PTPRK: variants seen among roughly 807,000 people sequenced by gnomAD.
PTPRK encodes the protein receptor-type tyrosine-protein phosphatase kappa.
In PTPRK, 75 loss-of-function variants were observed where a neutral mutation model predicts 178.0. The ratio of observed to expected loss-of-function variants is 0.42; its 90% CI spans 0.35 to 0.51. The LOEUF is 0.51. Ranked by LOEUF, PTPRK falls within the 20% of genes least tolerant of loss-of-function variation. PTPRK has a pLI of 0.02. For missense variants in PTPRK, 1,441 were observed against 1,797.8 expected (o/e 0.80, Z 3.59); for synonymous variants, 637 against 620.6 (o/e 1.03, Z -0.39).
At chr6:128,276,181 C>T (rs943174057) in intron 3 of PTPRK, among the ~76,000 whole-genome samples, 3 of 151,982 alleles carry the variant, frequency 2.0e-5, no homozygotes, top group Non-Finnish European at 4.4e-5. Context: ...CTACTTGAGG[C>T]AACACATATA....
At position 128,338,672 on chromosome 6, in the gene PTPRK, C is replaced by CTT. The variant is rs1831265388; in HGVS notation, c.224-16363_224-16362insAA. Among the ~76,000 whole-genome samples, 3 of 152,104 alleles carry CTT rather than the reference C, an allele frequency of 2.0e-5. No homozygotes were observed. The South Asian group carries it at 6.2e-4, about 32-fold the overall frequency. ...GCTGCCCCTGGAAGTCTATGCTTCC[C>CTT]CTCTGCAGAAGGAAATCTTTATGCT... On this transcript the variant is annotated intron_variant, in intron 2 of 29. Transcript: ENST00000368226.
chr6:127,972,237 T>C (rs547007871), intron 29 of PTPRK, among the ~76,000 whole-genome samples: 18 of 152,336 alleles, frequency 1.2e-4, no homozygotes, highest in African/African-American at 4.3e-4. Context: ...TCTTGATAAA[T>C]GTAGGGCAAG....
intron 1 of PTPRK, among the ~76,000 whole-genome samples, chr6:128,502,230 A>G (rs889210988): frequency 6.6e-6 from 1 of 152,242 alleles, no homozygotes; most frequent in African/African-American, 2.4e-5. Flanking sequence ...AACAGGACTT[A>G]AAGAGAGCTT....
intron 7 of PTPRK, among the ~76,000 whole-genome samples, chr6:128,106,612 T>C (rs1562594490): frequency 6.6e-6 from 1 of 152,160 alleles, no homozygotes; most frequent in Non-Finnish European, 1.5e-5. Context: ...ACAAAGCTTT[T>C]CCTCTAAACC....
chr6:128,506,338 C>A (rs899152356), intron 1 of PTPRK, among the ~76,000 whole-genome samples: 3 of 152,122 alleles, frequency 2.0e-5, no homozygotes, highest in African/African-American at 7.2e-5. Flanking sequence ...TTAGAATTTT[C>A]ATATTTTATC....
chr6:128,454,920 C>A (rs1848215780), intron 1 of PTPRK, among the ~76,000 whole-genome samples: 1 of 152,018 alleles, frequency 6.6e-6, no homozygotes, highest in Admixed American at 6.6e-5. Flanking sequence ...TCCTTTTACT[C>A]CAAATTGACT....
chr6:128,332,247 T>C (rs914022765), intron 2 of PTPRK, among the ~76,000 whole-genome samples: 1 of 152,218 alleles, frequency 6.6e-6, no homozygotes, highest in Non-Finnish European at 1.5e-5. Context: ...GAAACCTATG[T>C]CATAAATAGT....
chr6:128,478,383 C>T (rs572347346), intron 1 of PTPRK, among the ~76,000 whole-genome samples: 1 of 152,216 alleles, frequency 6.6e-6, no homozygotes, highest in Non-Finnish European at 1.5e-5. Context: ...TCAAGTACTG[C>T]TTGGTACTTT....
intron 13 of PTPRK, among the ~76,000 whole-genome samples, chr6:128,011,837 G>T (rs1779097449): frequency 6.6e-6 from 1 of 151,000 alleles, no homozygotes; most frequent in African/African-American, 2.4e-5. Flanking sequence ...ACGCTTGCAG[G>T]TATACCAAGA....
chr6:128,457,609 C>T (rs1003494812), intron 1 of PTPRK, among the ~76,000 whole-genome samples: 5 of 152,122 alleles, frequency 3.3e-5, no homozygotes, highest in African/African-American at 1.2e-4. Flanking sequence ...AAACTGACTA[C>T]TTGAATACAA....
intron 3 of PTPRK, among the ~76,000 whole-genome samples, chr6:128,309,730 AT>A (rs1826953906): frequency 6.6e-6 from 1 of 152,120 alleles, no homozygotes; most frequent in African/African-American, 2.4e-5. Context: ...TCTAATTCAT[AT>A]TTTCCAAACC....
chr6:128,253,981 A>G (rs1816887245), intron 3 of PTPRK, among the ~76,000 whole-genome samples: 2 of 152,206 alleles, frequency 1.3e-5, no homozygotes, highest in African/African-American at 4.8e-5. Context: ...TTTTCACATC[A>G]CAAATTCAGA....
At chr6:128,306,505 G>A (rs113493712) in intron 3 of PTPRK, among the ~76,000 whole-genome samples, 3 of 152,260 alleles carry the variant, frequency 2.0e-5, no homozygotes, top group African/African-American at 4.8e-5. Flanking sequence ...ACTTTCATTC[G>A]AGAGAATCGG....
chr6:127,985,896 A>T (rs748284005), intron 21 of PTPRK, 21 bp from the exon 22 acceptor site: 1 of 1,588,744 alleles, frequency 6.3e-7, no homozygotes, highest in East Asian at 2.3e-5. Flanking sequence ...ATGGAAAGAA[A>T]TGTTTTCAAA....
intron 3 of PTPRK, among the ~76,000 whole-genome samples, chr6:128,283,122 G>A (rs1821939245): frequency 6.6e-6 from 1 of 152,152 alleles, no homozygotes; most frequent in South Asian, 2.1e-4. Flanking sequence ...AGGACAGGAA[G>A]AACCCAGCTT....
intron 3 of PTPRK, among the ~76,000 whole-genome samples, chr6:128,283,980 A>C (rs1822079753): frequency 6.6e-6 from 1 of 152,180 alleles, no homozygotes; most frequent in Non-Finnish European, 1.5e-5. Flanking sequence ...AAGACTCTGA[A>C]GGTATTTATT....
chr6:128,442,000 G>C (rs1202695312), intron 1 of PTPRK, among the ~76,000 whole-genome samples: 1 of 152,090 alleles, frequency 6.6e-6, no homozygotes, highest in Non-Finnish European at 1.5e-5. Context: ...AACTCAGACC[G>C]ATCTAGGAGT....
intron 3 of PTPRK, among the ~76,000 whole-genome samples, chr6:128,307,088 T>C (rs965471185): frequency 6.6e-6 from 1 of 150,928 alleles, no homozygotes; most frequent in Admixed American, 6.6e-5. Flanking sequence ...ATATAATTAG[T>C]TTAAGGTGAT....
intron 7 of PTPRK, among the ~76,000 whole-genome samples, chr6:128,094,885 CA>C: frequency 6.6e-6 from 1 of 151,330 alleles, no homozygotes; most frequent in African/African-American, 2.4e-5. Context: ...AAGGAGAGGG[CA>C]AAAGAGAAAT....
Sources: allele counts gnomAD v4.1 joint callset (sites outside exome capture counted in the v4.1 genomes callset), GRCh38; gene constraint gnomAD v4.1.1; transcripts MANE v1.5; gene names NCBI Gene and HGNC (gene_info 2026-07-23, HGNC 2026-07-21).